Variants in BRWD1 observed in about 807,000 individuals in gnomAD.
The protein encoded by BRWD1 is bromodomain and WD repeat-containing protein 1.
BRWD1 carries 82 observed loss-of-function variants against 251.2 expected under a neutral mutation model. The observed-to-expected ratio is 0.33, with a 90% CI of 0.27 to 0.39. BRWD1 has a LOEUF of 0.39. Ranked by LOEUF, BRWD1 falls within the 10% of genes least tolerant of loss-of-function variation. The pLI is 1.00. For synonymous variants in BRWD1, 918 were observed against 902.8 expected (o/e 1.02, Z -0.30); for missense variants, 2,233 against 2,711.6 (o/e 0.82, Z 3.92).
intron 12 of BRWD1, among the ~76,000 whole-genome samples, chr21:39,275,889 G>A (rs764749996): frequency 2.0e-5 from 3 of 151,988 alleles, no homozygotes; most frequent in South Asian, 2.1e-4. Context: ...AAAGTTAGCC[G>A]GGCACAGTGG....
At chr21:39,255,349 T>C (rs1335023382) in intron 19 of BRWD1, among the ~76,000 whole-genome samples, 1 of 151,410 alleles carries the variant, frequency 6.6e-6, no homozygotes, top group Non-Finnish European at 1.5e-5. Flanking sequence ...GAGGTGGAGG[T>C]TGCAGTGAGC....
At chr21:39,237,486 T>C (rs2033851322) in intron 22 of BRWD1, among the ~76,000 whole-genome samples, 1 of 152,176 alleles carries the variant, frequency 6.6e-6, no homozygotes, top group Non-Finnish European at 1.5e-5. Context: ...CACCTTTTCG[T>C]CTCTATCAAA....
Position 39,218,514 on chromosome 21 carries a change from A to G in BRWD1, c.3529T>C (p.Leu1177=), listed in dbSNP as rs78530668. 1 of 1,575,950 alleles carries G rather than the reference A, an allele frequency of 6.3e-7. No individual in the cohort carries two copies. Among genetic ancestry groups the G allele is most frequent in the Non-Finnish European group, 8.5e-7 (1 of 1,170,052 alleles). ...DRIISGIDQL[L]NLDIAAAFAG... ...AAAATAAAAAACTTACCAAGATTCA[A>G]AAGTTGATCTATACCACTGATAATT... Residue 1177 remains leucine (L), a synonymous_variant, in exon 30 of 41, where the codon TTG becomes CTG. Coordinates refer to ENST00000342449, the MANE Select transcript of BRWD1 (RefSeq NM_033656.4).
Position 39,199,344 on chromosome 21 carries a change from T to C in BRWD1, c.5072A>G (p.Glu1691Gly). 6.2e-7 allele frequency: 1 copy of C among 1,614,108 alleles called. No individual in the cohort carries two copies. The highest frequency in any genetic ancestry group is 8.5e-7 in the Non-Finnish European group (1 of 1,179,922). The change falls in exon 40 of 41, where the codon GAG becomes GGG. Residue 1691 changes from glutamate (E) to glycine (G), a missense_variant. Around this residue, in one of 12 missense-constraint regions of BRWD1, gnomAD observed 928 missense variants for 970.0 expected, o/e 0.96. Transcript: ENST00000342449. ...EQSLKSEIEE[E>G]ELKDENQLLP... Reference sequence around the variant, plus strand: ...TAGTTGATTTTCATCTTTTAGCTCCTCTTCTTCAATTTCTGACTTTAAGCT... The same window carrying C: ...TAGTTGATTTTCATCTTTTAGCTCCCCTTCTTCAATTTCTGACTTTAAGCT...
intron 40 of BRWD1, among the ~76,000 whole-genome samples, chr21:39,198,347 T>C (rs1247034426): frequency 6.6e-6 from 1 of 152,200 alleles, no homozygotes; most frequent in Admixed American, 6.5e-5. Flanking sequence ...TCAGTAACTG[T>C]TTTATTTGCT....
chr21:39,236,415 G>A (rs1242682665), intron 23 of BRWD1, among the ~76,000 whole-genome samples, 180 bp downstream of exon 23: 1 of 152,194 alleles, frequency 6.6e-6, no homozygotes, highest in South Asian at 2.1e-4. Flanking sequence ...TGCACCCTGG[G>A]AGTGCAGTGA....
In BRWD1 at chr21:39,313,584, G is replaced by C. The variant is rs1224416528; in HGVS notation, c.-93C>G. 1.9e-6 allele frequency: 2 copies of C among 1,054,918 alleles called. No individual in the cohort carries two copies. Among genetic ancestry groups the C allele is most frequent in the Non-Finnish European group, 2.3e-6 (2 of 853,776 alleles). 65.3% of individuals were successfully genotyped at this position (1,054,918 alleles called of 1,614,324 possible). A position where few individuals can be genotyped will look rare whatever the true frequency, so the allele number is the denominator to read the frequency against. On this transcript the variant is annotated 5_prime_UTR_variant, in exon 1 of 41. Coordinates refer to ENST00000342449, the MANE Select transcript of BRWD1 (RefSeq NM_033656.4). ...ACCGGGCTGGCGTCCCCTCTTCTCA[G>C]GCGCGCGCCGCCGCCGCCGCCGCCG...
At chr21:39,301,346 A>G (rs920095174) in intron 4 of BRWD1, among the ~76,000 whole-genome samples, 3 of 152,178 alleles carry the variant, frequency 2.0e-5, no homozygotes, top group Non-Finnish European at 4.4e-5. Context: ...TTAGGTTACA[A>G]TTGTGACTTC....
intron 29 of BRWD1, among the ~76,000 whole-genome samples, chr21:39,221,293 G>T (rs1202648295): frequency 1.3e-5 from 2 of 151,906 alleles, no homozygotes; most frequent in Admixed American, 1.3e-4. Context: ...CCCCCCAAAC[G>T]GTAGGCATTC....
intron 21 of BRWD1, among the ~76,000 whole-genome samples, chr21:39,244,029 A>G (rs971133722): frequency 1.3e-5 from 2 of 152,018 alleles, no homozygotes; most frequent in African/African-American, 4.8e-5. Context: ...AAGTGAACTG[A>G]TGCTTCGGTA....
At chr21:39,214,692 T>C (rs1392619593) in intron 32 of BRWD1, among the ~76,000 whole-genome samples, 2 of 151,972 alleles carry the variant, frequency 1.3e-5, no homozygotes, top group Admixed American at 6.6e-5. Flanking sequence ...AAGGGGAGAC[T>C]AGATGAAAGG....
chr21:39,276,869 T>C (rs1315610572), intron 11 of BRWD1, among the ~76,000 whole-genome samples: 1 of 152,232 alleles, frequency 6.6e-6, no homozygotes, highest in East Asian at 1.9e-4. Flanking sequence ...AGTGCTAATC[T>C]GAGTTGCCAG....
At chr21:39,226,566 CA>C (rs2146537649) in intron 27 of BRWD1, among the ~76,000 whole-genome samples, 1 of 152,300 alleles carries the variant, frequency 6.6e-6, no homozygotes, top group East Asian at 1.9e-4. Flanking sequence ...GCTGAAAAAT[CA>C]TAATAGCTGG....
chr21:39,247,897 G>A (rs1220183671), intron 20 of BRWD1, 65 bp from the exon 21 acceptor site: 49 of 1,434,836 alleles, frequency 3.4e-5, no homozygotes, highest in Non-Finnish European at 1.8e-6. Flanking sequence ...CAACAAAATG[G>A]GCATTCCGTC....
chr21:39,250,872 C>T lies in BRWD1; in HGVS notation c.2273G>A (p.Arg758Gln), dbSNP rs1428691928. Reference sequence around the variant, plus strand: ...TCTTTCCTCTTCACCTTTCTCTAATCGGAAGTCTTCCAGCTTCCTACAAAT... The same window carrying T: ...TCTTTCCTCTTCACCTTTCTCTAATTGGAAGTCTTCCAGCTTCCTACAAAT... The part of the protein sequence containing the change: ...LGIFRKLEDF[R>Q]LEKGEEERNL... The change falls in exon 20 of 41, where the codon CGA becomes CAA. Residue 758 changes from arginine (R) to glutamine (Q), a missense_variant. Arg to Gln is a conservative substitution (Grantham distance 43). Transcript: ENST00000342449. 11 of 1,594,666 alleles carry T rather than the reference C, an allele frequency of 6.9e-6. No homozygotes were observed. The highest frequency in any genetic ancestry group is 1.3e-5 in the African/African-American group (1 of 74,270).
At chr21:39,225,697 A>T (rs974591875) in intron 27 of BRWD1, among the ~76,000 whole-genome samples, 2 of 152,216 alleles carry the variant, frequency 1.3e-5, no homozygotes, top group African/African-American at 4.8e-5. Flanking sequence ...TGAATAATTA[A>T]AGTATGCTTA....
At chr21:39,277,950 G>A (rs1442357122) in intron 10 of BRWD1, among the ~76,000 whole-genome samples, 3 of 152,014 alleles carry the variant, frequency 2.0e-5, no homozygotes, top group East Asian at 1.9e-4. Context: ...CTGGACACAA[G>A]CAATACTCCC....
rs941893424 is a variant in BRWD1, at chr21:39,194,544, G to A, written c.*1715C>T. 38 of 1,441,960 alleles carry A rather than the reference G, an allele frequency of 2.6e-5. No individual in the cohort carries two copies. The African/African-American group carries it at 4.7e-4, about 18-fold the overall frequency. 89.3% of individuals were successfully genotyped at this position (1,441,960 alleles called of 1,614,324 possible). On this transcript the variant is annotated 3_prime_UTR_variant, in exon 41 of 41. Transcript: ENST00000342449. ...TGATAGCTCTCTAAGCCACAAATGA[G>A]AGGAGGTTTCCCACCTATCTCAGTT... is the stretch of plus-strand genomic sequence containing the variant.
At position 39,307,617 on chromosome 21, in the gene BRWD1, C is replaced by T. The variant is rs139817647; in HGVS notation, c.198+5224G>A. On this transcript the variant is annotated intron_variant, in intron 4 of 40. Coordinates refer to ENST00000342449, the MANE Select transcript of BRWD1 (RefSeq NM_033656.4). ...TGGTATTACCATTTTAAGTACTCTA[C>T]AGGATTAAGGAATCAGGTTATGATA... 2.3e-3 allele frequency among the ~76,000 whole-genome samples: 344 copies of T among 152,264 alleles called. 2 individuals carry two copies. The highest frequency in any genetic ancestry group is 7.9e-3 in the African/African-American group (328 of 41,536).
Sources: allele counts gnomAD v4.1 joint callset (sites outside exome capture counted in the v4.1 genomes callset), GRCh38; gene constraint gnomAD v4.1.1; regional missense constraint gnomAD v4.1.1; transcripts MANE v1.5; gene names NCBI Gene and HGNC (gene_info 2026-07-23, HGNC 2026-07-21).